Variants in TMEM243 observed in about 807,000 individuals in gnomAD.
TMEM243 encodes the protein MDR1 and mitochondrial taxol resistance associated.
A neutral mutation model predicts 15.0 loss-of-function variants in TMEM243; 20 were observed. The observed-to-expected ratio is 1.33, with a 90% CI of 0.94 to 1.93. The LOEUF (loss-of-function observed/expected upper bound fraction) is 1.93. Ranked by LOEUF, TMEM243 falls within the 30% of genes most tolerant of loss-of-function variation. The pLI is 0.00. For synonymous variants in TMEM243, 72 were observed against 52.7 expected (o/e 1.37, Z -1.59); for missense variants, 156 against 142.1 (o/e 1.10, Z -0.50).
At chr7:87,211,078 G>A (rs1802709567) in intron 1 of TMEM243, among the ~76,000 whole-genome samples, 1 of 152,204 alleles carries the variant, frequency 6.6e-6, no homozygotes, top group Admixed American at 6.5e-5. Flanking sequence ...AGGGCCTGTA[G>A]TGTGGGGGCT....
Position 87,207,469 on chromosome 7 carries a change from G to A in TMEM243, c.79-8412C>T, listed in dbSNP as rs1429227553. 1.3e-3 allele frequency among the ~76,000 whole-genome samples: 51 copies of A among 40,024 alleles called. 22 individuals carry two copies. Among genetic ancestry groups the A allele is most frequent in the Admixed American group, 4.4e-3 (22 of 4,994 alleles). The allele number at this position is 40,024 out of a possible 152,430, so 26.3% of individuals were successfully genotyped here. ...AAATTAGCCGGGCGTGGTGGCGGGC[G>A]CCTGTAGTCCCAGCTACTCGGGAGG... On this transcript the variant is annotated intron_variant, in intron 1 of 3. Coordinates refer to ENST00000257637, the MANE Select transcript of TMEM243 (RefSeq NM_024315.4).
intron 1 of TMEM243, chr7:87,218,772 A>T (rs1234989654): frequency 1.3e-5 from 2 of 152,270 alleles, no homozygotes; most frequent in Non-Finnish European, 2.9e-5. Context: ...AACTACTCAG[A>T]AAGTTAATGC....
Position 87,196,630 on chromosome 7 carries a change from G to A in TMEM243, c.*6C>T. 2 of 1,606,986 alleles carry A rather than the reference G, an allele frequency of 1.2e-6. No individual in the cohort carries two copies. Among genetic ancestry groups the A allele is most frequent in the East Asian group, 2.2e-5 (1 of 44,570 alleles). Reference sequence around the variant, plus strand: ...GAGTCCTGGTAAGTACTTCTCCTTGGCAGCCTCACCTTCCCACATCATGGA... The same window carrying A: ...GAGTCCTGGTAAGTACTTCTCCTTGACAGCCTCACCTTCCCACATCATGGA... On this transcript the variant is annotated 3_prime_UTR_variant, in exon 4 of 4. Transcript: ENST00000257637.
At chr7:87,219,997 C>T (rs1803400517), upstream of TMEM243, among the ~76,000 whole-genome samples, 1 of 152,248 alleles carries the variant, frequency 6.6e-6, no homozygotes, top group Non-Finnish European at 1.5e-5. Flanking sequence ...CGTATTCCTT[C>T]ATGTTCAAGG....
intron 2 of TMEM243, chr7:87,198,251 T>C (rs73208517): frequency 2.1e-6 from 1 of 466,374 alleles, no homozygotes; most frequent in Non-Finnish European, 3.8e-6. Context: ...CCCTTACTTA[T>C]GAAAGGAGAG....
upstream of TMEM243, chr7:87,220,524 C>T (rs1803458592): frequency 6.6e-6 from 1 of 152,306 alleles, no homozygotes; most frequent in African/African-American, 2.4e-5. Context: ...TGCGGATCAC[C>T]TCCCGGCTCC....
rs1002226972 is a variant in TMEM243, at chr7:87,196,169, A to C, written c.*467T>G. ...GTCAAGAAAAAAAAACCCTTGTATA[A>C]ATTATTTTATTTATTATTGTAATTA... On this transcript the variant is annotated 3_prime_UTR_variant, in exon 4 of 4. Coordinates refer to ENST00000257637, the MANE Select transcript of TMEM243 (RefSeq NM_024315.4). 6.5e-6 allele frequency: 1 copy of C among 153,448 alleles called. No individual in the cohort carries two copies. Among genetic ancestry groups the C allele is most frequent in the African/African-American group, 2.4e-5 (1 of 41,426 alleles). 9.5% of individuals were successfully genotyped at this position (153,448 alleles called of 1,614,324 possible). A position where few individuals can be genotyped will look rare whatever the true frequency, so the allele number is the denominator to read the frequency against.
chr7:87,217,396 T>C (rs1034269884), intron 1 of TMEM243, among the ~76,000 whole-genome samples: 4 of 152,226 alleles, frequency 2.6e-5, no homozygotes, highest in Non-Finnish European at 4.4e-5. Context: ...TGGAAATGGC[T>C]CCACTGTAAT....
intron 1 of TMEM243, among the ~76,000 whole-genome samples, chr7:87,207,223 C>T (rs1448276520): frequency 6.6e-6 from 1 of 152,228 alleles, no homozygotes; most frequent in African/African-American, 2.4e-5. Flanking sequence ...TGAACTCCAG[C>T]TGACAAATCA....
chr7:87,216,120 A>G (rs974912586), intron 1 of TMEM243, among the ~76,000 whole-genome samples: 2 of 152,012 alleles, frequency 1.3e-5, no homozygotes, highest in Non-Finnish European at 2.9e-5. Context: ...AAATACAAAA[A>G]AAAATTAGCC....
chr7:87,196,883 C>G (rs1313606379), intron 3 of TMEM243, 125 bp from the exon 4 acceptor site: 3 of 651,818 alleles, frequency 4.6e-6, no homozygotes, highest in Admixed American at 6.4e-5. Context: ...ATTCTGAGGT[C>G]TCTACATTCC....
intron 2 of TMEM243, chr7:87,198,499 A>C (rs1417715454): frequency 1.2e-5 from 2 of 168,150 alleles, no homozygotes; most frequent in African/African-American, 2.4e-5. Flanking sequence ...TTTCATTAAG[A>C]AGCCATGGAA....
intron 1 of TMEM243, among the ~76,000 whole-genome samples, chr7:87,211,418 C>G (rs1376040750): frequency 2.6e-5 from 4 of 152,264 alleles, no homozygotes; most frequent in East Asian, 3.9e-4. Context: ...CATTGTTTAC[C>G]TGGACTGAGT....
At chr7:87,199,753 C>T (rs73208532) in intron 1 of TMEM243, 1 of 152,098 alleles carries the variant, frequency 6.6e-6, no homozygotes, top group Admixed American at 6.6e-5. Flanking sequence ...ACAGGTTAAA[C>T]TAAATTTAGG....
chr7:87,199,640 AAAT>A (rs1300165097), intron 1 of TMEM243: 2 of 152,158 alleles, frequency 1.3e-5, no homozygotes, highest in African/African-American at 4.8e-5. Context: ...TATATAAACA[AAAT>A]ATTGGTTGAA....
Position 87,219,646 on chromosome 7 carries a change from G to T in TMEM243, c.-143C>A. The T allele has an allele frequency of 1.4e-6, 1 of 699,384 alleles. No homozygotes were observed. Among genetic ancestry groups the T allele is most frequent in the Non-Finnish European group, 2.5e-6 (1 of 405,170 alleles). 43.3% of individuals were successfully genotyped at this position (699,384 alleles called of 1,614,324 possible). A position where few individuals can be genotyped will look rare whatever the true frequency, so the allele number is the denominator to read the frequency against. ...TGGTCGGGGAAGCGCTGGCGCCAGG[G>T]ATGGGTGGGGGCTCACACGCGGGGA... On this transcript the variant is annotated 5_prime_UTR_variant, in exon 1 of 4. Transcript: ENST00000257637.
chr7:87,208,752 G>A (rs11771569), intron 1 of TMEM243, among the ~76,000 whole-genome samples: 6,916 of 152,240 alleles, frequency 0.045, 191 homozygotes, highest in Middle Eastern at 0.071. Context: ...TCCAAGTTTT[G>A]CAGCCTGGCA....
In TMEM243 at chr7:87,196,463, A is replaced by G; in HGVS notation, c.*173T>C. On this transcript the variant is annotated 3_prime_UTR_variant, in exon 4 of 4. Transcript: ENST00000257637. ...AACATCAGCTCCTTAAAGAAAAAGC[A>G]AAGTGATCTAGGATATGTCTCCCTT... 1 of 600,608 alleles carries G rather than the reference A, an allele frequency of 1.7e-6. No homozygotes were observed. The highest frequency in any genetic ancestry group is 2.7e-6 in the Non-Finnish European group (1 of 368,682). 37.2% of individuals were successfully genotyped at this position (600,608 alleles called of 1,614,324 possible). A position where few individuals can be genotyped will look rare whatever the true frequency, so the allele number is the denominator to read the frequency against.
chr7:87,204,257 G>A (rs1049950966), intron 1 of TMEM243, among the ~76,000 whole-genome samples: 2 of 152,130 alleles, frequency 1.3e-5, no homozygotes, highest in African/African-American at 4.8e-5. Flanking sequence ...GGGAATTATG[G>A]GAGCTACAAT....
Sources: gnomAD v4.1 joint callset for allele counts (sites outside exome capture counted in the v4.1 genomes callset) on GRCh38, gnomAD v4.1.1 for gene constraint, MANE v1.5 for transcripts, NCBI Gene and HGNC (gene_info 2026-07-23, HGNC 2026-07-21) for gene names.